Variants in CCDC167 observed in about 807,000 individuals in gnomAD.
The protein encoded by CCDC167 is coiled-coil domain-containing protein 167.
A neutral mutation model predicts 12.7 loss-of-function variants in CCDC167; 15 were observed. That is an observed-to-expected ratio of 1.18 (90% CI 0.79 to 1.81). The LOEUF is 1.81. Ranked by LOEUF, CCDC167 falls within the 40% of genes most tolerant of loss-of-function variation. The probability of loss-of-function intolerance (pLI) is 0.00; values close to 1 mark genes in which losing one functional copy is unlikely to be tolerated. For synonymous variants in CCDC167, 52 were observed against 49.0 expected (o/e 1.06, Z -0.26); for missense variants, 121 against 120.1 (o/e 1.01, Z -0.03).
At chr6:37,494,265 G>A (rs1762069028) in intron 1 of CCDC167, among the ~76,000 whole-genome samples, 1 of 152,176 alleles carries the variant, frequency 6.6e-6, no homozygotes, top group South Asian at 2.1e-4. Context: ...GTTTCTCCAC[G>A]TTGGTCAGGC....
In CCDC167 at chr6:37,483,093, A is replaced by G; in HGVS notation, c.*93T>C. 1.0e-6 allele frequency: 1 copy of G among 989,616 alleles called. No homozygotes were observed. Among genetic ancestry groups the G allele is most frequent in the Non-Finnish European group, 1.6e-6 (1 of 616,912 alleles). The allele number at this position is 989,616 out of a possible 1,614,324, so 61.3% of individuals were successfully genotyped here. A position where few individuals can be genotyped will look rare whatever the true frequency, so the allele number is the denominator to read the frequency against. ...CACTAGGTTGGGAGGGGAACACCCC[A>G]GCACCTTGGTCCTATTGAGGCTTGA... On this transcript the variant is annotated 3_prime_UTR_variant, in exon 4 of 4. Coordinates refer to ENST00000373408, the MANE Select transcript of CCDC167 (RefSeq NM_138493.3).
intron 1 of CCDC167, among the ~76,000 whole-genome samples, chr6:37,490,443 G>A (rs1333502521): frequency 6.6e-6 from 1 of 152,098 alleles, no homozygotes; most frequent in African/African-American, 2.4e-5. Context: ...GTAGACAGGT[G>A]GGAAAGGCCC....
At chr6:37,487,538 T>C (rs1321945675) in intron 1 of CCDC167, among the ~76,000 whole-genome samples, 8 of 152,254 alleles carry the variant, frequency 5.3e-5, no homozygotes, top group Non-Finnish European at 1.0e-4. Context: ...GTCTTAGTCC[T>C]AGGTGAGATT....
In CCDC167 at chr6:37,499,850, T is replaced by C; in HGVS notation, c.14A>G (p.Lys5Arg). The change falls in exon 1 of 4, where the codon AAG becomes AGG. Residue 5 changes from lysine (K) to arginine (R), a missense_variant. By Grantham distance (26) the Lys-to-Arg change is conservative. Transcript: ENST00000373408. ...TAGAGCGACGCCCAGATTCTCCCGC[T>C]TCTTTTTAGTCATGTTACTTGCCGG... MTKK[K>R]RENLGVALEI... is the part of the protein sequence containing the mutation. 6.2e-7 allele frequency: 1 copy of C among 1,614,192 alleles called. No individual in the cohort carries two copies. Among genetic ancestry groups the C allele is most frequent in the South Asian group, 1.1e-5 (1 of 91,084 alleles).
At chr6:37,494,007 G>A (rs996728672) in intron 1 of CCDC167, among the ~76,000 whole-genome samples, 2 of 151,038 alleles carry the variant, frequency 1.3e-5, no homozygotes, top group Non-Finnish European at 2.9e-5. Flanking sequence ...TCCTGGCCTA[G>A]GCCATTCTCT....
At chr6:37,497,026 G>C (rs1762105075) in intron 1 of CCDC167, among the ~76,000 whole-genome samples, 2 of 152,224 alleles carry the variant, frequency 1.3e-5, no homozygotes, top group South Asian at 4.1e-4. Flanking sequence ...AGCCACAGAG[G>C]AAGGGAATCT....
In CCDC167 at chr6:37,491,467, C is replaced by A. The variant is rs547528275; in HGVS notation, c.43-6273G>T. On this transcript the variant is annotated intron_variant, in intron 1 of 3. Coordinates refer to ENST00000373408, the MANE Select transcript of CCDC167 (RefSeq NM_138493.3). ...TTTAGGAAGCTGTTTGCTGTCTCTC[C>A]GGCTTTACTCTTGGGAGCTTCTGGC... Among the ~76,000 whole-genome samples, 76 of 152,166 alleles carry A rather than the reference C, an allele frequency of 5.0e-4. 5 individuals are homozygous for A.
intron 1 of CCDC167, among the ~76,000 whole-genome samples, chr6:37,487,051 T>C (rs2646928): frequency 0.082 from 12,482 of 152,188 alleles, 1,645 homozygotes; most frequent in African/African-American, 0.28. Context: ...CCACCCTCCT[T>C]CTCCTGGGAA....
At chr6:37,486,331 C>T (rs1400962641) in intron 1 of CCDC167, among the ~76,000 whole-genome samples, 3 of 152,226 alleles carry the variant, frequency 2.0e-5, no homozygotes, top group Admixed American at 1.3e-4. Context: ...CTGCCCCATT[C>T]GCTTCTGGAG....
chr6:37,493,689 G>A (rs549675064), intron 1 of CCDC167, among the ~76,000 whole-genome samples: 2 of 152,382 alleles, frequency 1.3e-5, no homozygotes, highest in South Asian at 2.1e-4. Context: ...GTCCCAGCAA[G>A]GTGGCGTCTA....
At position 37,483,279 on chromosome 6, in the gene CCDC167, C is replaced by G. The variant is rs374683329; in HGVS notation, c.201G>C (p.Leu67=). 6.2e-7 allele frequency: 1 copy of G among 1,612,828 alleles called. No individual in the cohort carries two copies. The highest frequency in any genetic ancestry group is 1.3e-5 in the African/African-American group (1 of 74,890). Residue 67 remains leucine, a synonymous_variant, in exon 4 of 4, where the codon CTG becomes CTC. Transcript: ENST00000373408. The part of the protein sequence containing the change: ...MNKASNYEKE[L]KFLRQENRKN... ...TCCGGTTCTCTTGCCGAAGAAACTTCAGTTCCTTCTCTGGGAGGAAAGAGG... is the reference window on the plus strand; with the variant it reads ...TCCGGTTCTCTTGCCGAAGAAACTTGAGTTCCTTCTCTGGGAGGAAAGAGG...
intron 1 of CCDC167, among the ~76,000 whole-genome samples, chr6:37,487,498 A>T (rs1761959112): frequency 1.3e-5 from 2 of 152,234 alleles, no homozygotes. Flanking sequence ...ATGCACATAA[A>T]TTGTACGCTT....
intron 1 of CCDC167, among the ~76,000 whole-genome samples, chr6:37,485,602 G>A (rs528422214): frequency 1.3e-4 from 20 of 152,370 alleles, no homozygotes; most frequent in South Asian, 1.0e-3. Context: ...CCCCACGGGC[G>A]TATCCTAGAG....
At chr6:37,489,855 CA>C (rs1370945369) in intron 1 of CCDC167, among the ~76,000 whole-genome samples, 5 of 152,188 alleles carry the variant, frequency 3.3e-5, no homozygotes, top group African/African-American at 1.2e-4. Context: ...CTGGAGCTAT[CA>C]GGGGGCAGCA....
At chr6:37,489,779 C>T (rs890649331) in intron 1 of CCDC167, among the ~76,000 whole-genome samples, 2 of 152,308 alleles carry the variant, frequency 1.3e-5, no homozygotes, top group African/African-American at 2.4e-5. Context: ...GACTCCTGCC[C>T]GACAGGCTGC....
intron 1 of CCDC167, among the ~76,000 whole-genome samples, chr6:37,490,612 G>A (rs916027991): frequency 6.6e-6 from 1 of 152,100 alleles, no homozygotes; most frequent in Admixed American, 6.5e-5. Flanking sequence ...GCTCAGCGAG[G>A]AGACCCATGA....
intron 3 of CCDC167, 81 bp from the exon 4 acceptor site, chr6:37,483,370 C>T: frequency 4.3e-6 from 4 of 924,262 alleles, no homozygotes; most frequent in South Asian, 2.7e-5. Context: ...CGAGTGGGTA[C>T]ACACTGCTGA....
chr6:37,493,152 A>G (rs1762045314), intron 1 of CCDC167, among the ~76,000 whole-genome samples: 1 of 152,182 alleles, frequency 6.6e-6, no homozygotes, highest in African/African-American at 2.4e-5. Flanking sequence ...CCCCCATGCC[A>G]GGTCAGAAAG....
At chr6:37,488,008 G>T (rs1395841675) in intron 1 of CCDC167, among the ~76,000 whole-genome samples, 1 of 152,218 alleles carries the variant, frequency 6.6e-6, no homozygotes, top group East Asian at 1.9e-4. Context: ...TAACCCAGCT[G>T]CTTGATGTGG....
Sources: gnomAD v4.1 joint callset for allele counts (sites outside exome capture counted in the v4.1 genomes callset) on GRCh38, gnomAD v4.1.1 for gene constraint, MANE v1.5 for transcripts, NCBI Gene and HGNC (gene_info 2026-07-23, HGNC 2026-07-21) for gene names.